The following ZNF804A variants were observed in gnomAD, a reference collection of about 807,000 sequenced individuals.
ZNF804A encodes zinc finger protein 804A.
A neutral mutation model predicts 16.5 loss-of-function variants in ZNF804A; 2 were observed. The ratio of observed to expected loss-of-function variants is 0.12; its 90% CI spans 0.05 to 0.38. The LOEUF is 0.38. Ranked by LOEUF, ZNF804A falls within the 10% of genes least tolerant of loss-of-function variation. The probability of loss-of-function intolerance (pLI) is 0.99; values close to 1 mark genes in which losing one functional copy is unlikely to be tolerated. For missense variants in ZNF804A, 1,473 were observed against 1,390.7 expected (o/e 1.06, Z -0.94); for synonymous variants, 534 against 489.6 (o/e 1.09, Z -1.20).
At chr2:184,610,684 C>T (rs1309813657) in intron 1 of ZNF804A, among the ~76,000 whole-genome samples, 5 of 151,864 alleles carry the variant, frequency 3.3e-5, no homozygotes, top group African/African-American at 1.2e-4. Context: ...TAGCAAAATA[C>T]CACTCCCTGG....
intron 1 of ZNF804A, among the ~76,000 whole-genome samples, chr2:184,840,766 G>T (rs1558978535): frequency 2.0e-5 from 3 of 151,962 alleles, no homozygotes; most frequent in African/African-American, 7.2e-5. Context: ...TTCAGCTTAA[G>T]AATTAAATTA....
At chr2:184,881,922 A>G (rs1316160418) in intron 2 of ZNF804A, among the ~76,000 whole-genome samples, 1 of 152,120 alleles carries the variant, frequency 6.6e-6, no homozygotes, top group Non-Finnish European at 1.5e-5. Flanking sequence ...TCATGGCAGG[A>G]ACAAATCTTC....
At chr2:184,649,251 A>G (rs1461781989) in intron 1 of ZNF804A, among the ~76,000 whole-genome samples, 1 of 152,136 alleles carries the variant, frequency 6.6e-6, no homozygotes, top group Non-Finnish European at 1.5e-5. Flanking sequence ...ATAACAAACC[A>G]TACCAAACTC....
chr2:184,636,544 T>C lies in ZNF804A; in HGVS notation c.111+37474T>C, dbSNP rs371231606. Among the ~76,000 whole-genome samples, 176 of 96,126 alleles carry C rather than the reference T, an allele frequency of 1.8e-3. 1 individual carries two copies. The highest frequency in any genetic ancestry group is 7.1e-3 in the African/African-American group (173 of 24,354). The allele number at this position is 96,126 out of a possible 152,430, so 63.1% of individuals were successfully genotyped here. ...AGGACAAAGCATGTGAGATTGGCTC[T>C]AGGGCTGTGTGTGTGTGTGTGTGTG... is the stretch of plus-strand genomic sequence containing the variant. On this transcript the variant is annotated intron_variant, in intron 1 of 3. Transcript: ENST00000302277.
At chr2:184,731,510 T>G (rs1211175772) in intron 1 of ZNF804A, among the ~76,000 whole-genome samples, 1 of 150,828 alleles carries the variant, frequency 6.6e-6, no homozygotes, top group Admixed American at 6.6e-5. Context: ...TTTTCTATGC[T>G]CATTTTTCAT....
At chr2:184,758,965 T>C (rs1446956997) in intron 1 of ZNF804A, among the ~76,000 whole-genome samples, 1 of 151,868 alleles carries the variant, frequency 6.6e-6, no homozygotes, top group Non-Finnish European at 1.5e-5. Context: ...TGTCAGGAGA[T>C]ACATACCTAG....
intron 1 of ZNF804A, among the ~76,000 whole-genome samples, chr2:184,753,429 T>A (rs1473833921): frequency 6.6e-6 from 1 of 151,586 alleles, no homozygotes; most frequent in Non-Finnish European, 1.5e-5. Context: ...GTCTATGCAA[T>A]ACCAATTCCC....
chr2:184,777,983 T>G (rs747088331), intron 1 of ZNF804A, among the ~76,000 whole-genome samples: 2 of 151,700 alleles, frequency 1.3e-5, no homozygotes, highest in Non-Finnish European at 2.9e-5. Flanking sequence ...ATTTACAAAA[T>G]GTAATTGAAA....
intron 1 of ZNF804A, among the ~76,000 whole-genome samples, chr2:184,636,452 TGAGAGAGAGA>T (rs370660751): frequency 5.2e-5 from 6 of 114,292 alleles, no homozygotes; most frequent in African/African-American, 1.0e-4. Context: ...TGTGTGTGTG[TGAGAGAGAGA>T]GAGAGAGAGA....
intron 1 of ZNF804A, among the ~76,000 whole-genome samples, chr2:184,622,085 T>C (rs780347344): frequency 6.6e-6 from 1 of 151,796 alleles, no homozygotes; most frequent in Non-Finnish European, 1.5e-5. Context: ...TGATTATATC[T>C]TACTTGTGTC....
chr2:184,685,957 G>A (rs554712668), intron 1 of ZNF804A, among the ~76,000 whole-genome samples: 1 of 152,332 alleles, frequency 6.6e-6, no homozygotes, highest in South Asian at 2.1e-4. Context: ...TTCTTCCCAT[G>A]CTCATCAGTG....
At chr2:184,669,974 A>G (rs1176868412) in intron 1 of ZNF804A, among the ~76,000 whole-genome samples, 1 of 152,044 alleles carries the variant, frequency 6.6e-6, no homozygotes, top group Non-Finnish European at 1.5e-5. Context: ...GTGGCTTTTA[A>G]ACTATACTAA....
At chr2:184,616,773 C>T (rs1448005158) in intron 1 of ZNF804A, among the ~76,000 whole-genome samples, 1 of 152,052 alleles carries the variant, frequency 6.6e-6, no homozygotes, top group Non-Finnish European at 1.5e-5. Context: ...TAAATATCAC[C>T]TGAAAGTTTA....
intron 1 of ZNF804A, among the ~76,000 whole-genome samples, chr2:184,802,848 A>G (rs1434458697): frequency 6.6e-6 from 1 of 152,184 alleles, no homozygotes; most frequent in African/African-American, 2.4e-5. Flanking sequence ...ATTAGGAGTC[A>G]TTACTGTGTC....
chr2:184,673,842 A>C (rs1358592781), intron 1 of ZNF804A, among the ~76,000 whole-genome samples: 1 of 152,208 alleles, frequency 6.6e-6, no homozygotes, highest in African/African-American at 2.4e-5. Flanking sequence ...TTCCAAGGAC[A>C]GACTTTAAAG....
rs1692581166 is a variant in ZNF804A, at chr2:184,683,815, C to T, written c.111+84745C>T. On this transcript the variant is annotated intron_variant, in intron 1 of 3. Coordinates refer to ENST00000302277, the MANE Select transcript of ZNF804A (RefSeq NM_194250.2). ...TTTCTCCTTAACATAGCAAAAAATTCAATTTATGTTGGTTGTAATAATGTC... is the reference window on the plus strand; with the variant it reads ...TTTCTCCTTAACATAGCAAAAAATTTAATTTATGTTGGTTGTAATAATGTC... Among the ~76,000 whole-genome samples, 3 of 151,968 alleles carry T rather than the reference C, an allele frequency of 2.0e-5. No homozygotes were observed. The South Asian group carries it at 6.2e-4, about 32-fold the overall frequency.
At chr2:184,930,400 A>G (rs913425488) in intron 2 of ZNF804A, among the ~76,000 whole-genome samples, 1 of 152,224 alleles carries the variant, frequency 6.6e-6, no homozygotes, top group Non-Finnish European at 1.5e-5. Context: ...TTTATCTTTC[A>G]TCTAAATTCT....
intron 1 of ZNF804A, among the ~76,000 whole-genome samples, chr2:184,785,059 A>C (rs1286881926): frequency 6.6e-6 from 1 of 151,966 alleles, no homozygotes; most frequent in African/African-American, 2.4e-5. Context: ...TCACATAAAC[A>C]TTTCTATTGC....
intron 1 of ZNF804A, among the ~76,000 whole-genome samples, chr2:184,713,782 C>T (rs894403159): frequency 6.6e-6 from 1 of 151,886 alleles, no homozygotes; most frequent in Non-Finnish European, 1.5e-5. Context: ...CTATTAAATG[C>T]TGCCTTTTGT....
Sources: gnomAD v4.1 joint callset for allele counts (sites outside exome capture counted in the v4.1 genomes callset) on GRCh38, gnomAD v4.1.1 for gene constraint, MANE v1.5 for transcripts, NCBI Gene and HGNC (gene_info 2026-07-23, HGNC 2026-07-21) for gene names.